ZDHHC21: variants seen among roughly 807,000 people sequenced by gnomAD.
ZDHHC21 encodes zDHHC palmitoyltransferase 21.
ZDHHC21 carries 15 observed loss-of-function variants against 34.6 expected under a neutral mutation model. The observed-to-expected ratio is 0.43, with a 90% CI of 0.29 to 0.67. ZDHHC21 has a LOEUF of 0.67. Ranked by LOEUF, ZDHHC21 falls within the 30% of genes least tolerant of loss-of-function variation. The pLI, the probability that ZDHHC21 is intolerant of heterozygous loss-of-function variation, is 0.14. For synonymous variants in ZDHHC21, 142 were observed against 101.8 expected (o/e 1.40, Z -2.38); for missense variants, 344 against 327.7 (o/e 1.05, Z -0.38).
At chr9:14,682,912 C>T (rs1200769386) in intron 2 of ZDHHC21, among the ~76,000 whole-genome samples, 1 of 152,208 alleles carries the variant, frequency 6.6e-6, no homozygotes, top group Non-Finnish European at 1.5e-5. Flanking sequence ...TACATGGAAA[C>T]TGAACAACCT....
In ZDHHC21 at chr9:14,674,231, A is replaced by C. The variant is rs1418520467; in HGVS notation, c.110T>G (p.Phe37Cys). ...AATATGTCCTTCTTCATAGTGAGGA[A>C]AGAGGACAATTTTGGGAATTAAAAC... ...NIVLIPKIVL[F>C]PHYEEGHIPG... is the part of the protein sequence containing the mutation. The change falls in exon 4 of 10, where the codon TTT (phenylalanine) becomes TGT (cysteine). Residue 37 changes from phenylalanine to cysteine, a missense_variant. By Grantham distance (205) the Phe-to-Cys change is radical (BLOSUM62 -2). Coordinates refer to ENST00000380916, the MANE Select transcript of ZDHHC21 (RefSeq NM_178566.6). 8 of 1,578,114 alleles carry C rather than the reference A, an allele frequency of 5.1e-6. No individual in the cohort carries two copies. Among genetic ancestry groups the C allele is most frequent in the Non-Finnish European group, 6.9e-6 (8 of 1,165,590 alleles).
rs184997336 is a variant in ZDHHC21, at chr9:14,618,883, G to T, written c.*83C>A. On this transcript the variant is annotated 3_prime_UTR_variant, in exon 10 of 10. Transcript: ENST00000380916. ...CTGGTGGGTGGATTTTAATTGACTTGAAGACTGTCATAGTTCTATTATCAT... is the reference window on the plus strand; with the variant it reads ...CTGGTGGGTGGATTTTAATTGACTTTAAGACTGTCATAGTTCTATTATCAT... 2.5e-4 allele frequency: 353 copies of T among 1,399,370 alleles called. No homozygotes were observed. The highest frequency in any genetic ancestry group is 2.9e-4 in the Non-Finnish European group (313 of 1,062,308). The allele number at this position is 1,399,370 out of a possible 1,614,324, so 86.7% of individuals were successfully genotyped here. A position where few individuals can be genotyped will look rare whatever the true frequency, so the allele number is the denominator to read the frequency against.
chr9:14,676,281 G>T (rs533243551), intron 3 of ZDHHC21, among the ~76,000 whole-genome samples: 27 of 151,948 alleles, frequency 1.8e-4, no homozygotes, highest in African/African-American at 5.1e-4. Context: ...AAGTGTCAAG[G>T]GTGATTCCCA....
chr9:14,657,776 C>T (rs906594743), intron 7 of ZDHHC21, among the ~76,000 whole-genome samples: 2 of 152,144 alleles, frequency 1.3e-5, no homozygotes, highest in Admixed American at 1.3e-4. Context: ...ATTAACACCA[C>T]TAAACTCTAC....
chr9:14,637,998 T>C (rs966173288), intron 8 of ZDHHC21, among the ~76,000 whole-genome samples: 3 of 151,920 alleles, frequency 2.0e-5, no homozygotes, highest in Admixed American at 2.0e-4. Context: ...AATACCAACA[T>C]CATTTTTCAT....
chr9:14,690,279 T>C, intron 2 of ZDHHC21, 58 bp downstream of exon 2: 1 of 444,112 alleles, frequency 2.3e-6, no homozygotes, highest in African/African-American at 2.0e-5. Context: ...CACACCAGGC[T>C]TTACCAAAGC....
intron 7 of ZDHHC21, among the ~76,000 whole-genome samples, chr9:14,654,885 G>A (rs550702858): frequency 1.8e-4 from 27 of 152,016 alleles, no homozygotes; most frequent in Admixed American, 6.6e-4. Context: ...GAGACTTCAC[G>A]TACATGTAAG....
At chr9:14,653,998 G>A (rs1452046916) in intron 7 of ZDHHC21, among the ~76,000 whole-genome samples, 1 of 151,978 alleles carries the variant, frequency 6.6e-6, no homozygotes, top group Non-Finnish European at 1.5e-5. Context: ...CAGGCGTTAA[G>A]GTGAGCCATA....
In ZDHHC21 at chr9:14,619,035, G is replaced by A; in HGVS notation, c.729C>T (p.Ile243=). The A allele has an allele frequency of 6.2e-7, 1 of 1,612,456 alleles. No homozygotes were observed. The highest frequency in any genetic ancestry group is 1.7e-4 in the Middle Eastern group (1 of 6,036). ...TCTGCCTGAAAGGAATGAACCACAG[G>A]ATCTTCCAACGAGTGCCAAAAACTT... ...FSEVFGTRWK[I]LWFIPFRQRQ... The change falls in exon 10 of 10, where the codon ATC becomes ATT. Residue 243 remains isoleucine (I), a synonymous_variant. Coordinates refer to ENST00000380916, the MANE Select transcript of ZDHHC21 (RefSeq NM_178566.6).
intron 4 of ZDHHC21, among the ~76,000 whole-genome samples, chr9:14,673,255 G>C (rs1056241647): frequency 1.3e-5 from 2 of 151,866 alleles, no homozygotes; most frequent in Non-Finnish European, 2.9e-5. Flanking sequence ...ATTACTGCAT[G>C]TTCTATATTT....
At chr9:14,608,407 G>C (rs1243523388), downstream of ZDHHC21, among the ~76,000 whole-genome samples, 4 of 152,184 alleles carry the variant, frequency 2.6e-5, no homozygotes, top group South Asian at 8.3e-4. Context: ...TACTACTAAA[G>C]ACACACTCAA....
At chr9:14,602,865 G>C in the ZDHHC21 span, among the ~76,000 whole-genome samples, 1 of 131,716 alleles carries the variant, frequency 7.6e-6, no homozygotes, top group East Asian at 2.4e-4. Flanking sequence ...CGAGGTTACA[G>C]TGAAGTTATG....
chr9:14,665,825 C>G (rs1834332859), intron 5 of ZDHHC21, among the ~76,000 whole-genome samples: 1 of 148,302 alleles, frequency 6.7e-6, no homozygotes, highest in African/African-American at 2.5e-5. Flanking sequence ...ACCAGGCCTG[C>G]CCTAAAAGAG....
At chr9:14,590,380 T>C in the ZDHHC21 span, among the ~76,000 whole-genome samples, 1 of 152,102 alleles carries the variant, frequency 6.6e-6, no homozygotes, top group Non-Finnish European at 1.5e-5. Context: ...ACCAAAGTTT[T>C]CCAAATCTGA....
At chr9:14,676,429 T>G (rs756374455) in intron 3 of ZDHHC21, among the ~76,000 whole-genome samples, 19 of 151,926 alleles carry the variant, frequency 1.3e-4, no homozygotes, top group Admixed American at 7.9e-4. Flanking sequence ...GAAAAAGAGA[T>G]TAAGGAATAC....
chr9:14,608,514 C>T (rs990819270), downstream of ZDHHC21, among the ~76,000 whole-genome samples: 1 of 152,106 alleles, frequency 6.6e-6, no homozygotes, highest in African/African-American at 2.4e-5. Context: ...GCAAAACACA[C>T]TGCTATTTTT....
chr9:14,639,146 T>C (rs1261321941), intron 8 of ZDHHC21, among the ~76,000 whole-genome samples: 3 of 152,218 alleles, frequency 2.0e-5, no homozygotes, highest in Non-Finnish European at 4.4e-5. Flanking sequence ...AAAAATCTGG[T>C]ATATATACAC....
chr9:14,658,839 C>A lies in ZDHHC21; in HGVS notation c.414G>T (p.Leu138Phe). The change falls in exon 7 of 10, where the codon TTG becomes TTT. Residue 138 changes from leucine to phenylalanine, a missense_variant. By Grantham distance (22) the Leu-to-Phe change is conservative. Coordinates refer to ENST00000380916, the MANE Select transcript of ZDHHC21 (RefSeq NM_178566.6). ...AAGTAAGAAGTTCAGTGTAGAAACA[C>A]AACTGCAGAAAGAGCCAATGATTAT... Reference protein sequence around the residue: ...GEDNHWLFLQLCFYTELLTCY... With the variant: ...GEDNHWLFLQFCFYTELLTCY... 6.2e-7 allele frequency: 1 copy of A among 1,613,206 alleles called. No individual in the cohort carries two copies. The highest frequency in any genetic ancestry group is 8.5e-7 in the Non-Finnish European group (1 of 1,179,510).
intron 7 of ZDHHC21, among the ~76,000 whole-genome samples, chr9:14,642,525 C>G (rs939370014): frequency 6.6e-6 from 1 of 152,122 alleles, no homozygotes; most frequent in South Asian, 2.1e-4. Flanking sequence ...TAGTTGGAGA[C>G]AAAGCCTTTA....
Sources: allele counts gnomAD v4.1 joint callset (sites outside exome capture counted in the v4.1 genomes callset), GRCh38; gene constraint gnomAD v4.1.1; transcripts MANE v1.5; gene names NCBI Gene and HGNC (gene_info 2026-07-23, HGNC 2026-07-21).